The following SLC1A2 variants were observed in gnomAD, a reference collection of about 807,000 sequenced individuals.
The protein encoded by SLC1A2 is solute carrier family 1 member 2.
In SLC1A2, 15 loss-of-function variants were observed where a neutral mutation model predicts 48.8. The observed-to-expected ratio is 0.31, with a 90% confidence interval of 0.21 to 0.47. SLC1A2 has a LOEUF of 0.47. Ranked by LOEUF, SLC1A2 falls within the 20% of genes least tolerant of loss-of-function variation. The probability of loss-of-function intolerance (pLI) is 0.99; values close to 1 mark genes in which losing one functional copy is unlikely to be tolerated. For synonymous variants in SLC1A2, 279 were observed against 272.6 expected, an observed-to-expected ratio of 1.02 and a Z score of -0.23; for missense variants, 502 against 730.5, an observed-to-expected ratio of 0.69 and a Z score of 3.61.
At chr11:35,382,306 T>C (rs1403055502) in intron 1 of SLC1A2, among the ~76,000 whole-genome samples, 2 of 152,370 alleles carry the variant, frequency 1.3e-5, no homozygotes, top group Non-Finnish European at 2.9e-5. Context: ...GAGATTCTGT[T>C]AAACCTATTT....
chr11:35,319,113 A>C (rs12273644), intron 1 of SLC1A2, among the ~76,000 whole-genome samples: 52,616 of 152,072 alleles, frequency 0.35, 9,560 homozygotes, highest in South Asian at 0.55. Flanking sequence ...GTGCAATAAC[A>C]ATCCCTCAGA....
chr11:35,401,455 T>C (rs1388160917), intron 1 of SLC1A2, among the ~76,000 whole-genome samples: 1 of 152,202 alleles, frequency 6.6e-6, no homozygotes, highest in Non-Finnish European at 1.5e-5. Flanking sequence ...TCTCTTTTAA[T>C]GTTAATGCTA....
chr11:35,352,144 A>G (rs1853282091), intron 1 of SLC1A2: 1 of 149,556 alleles, frequency 6.7e-6, no homozygotes, highest in African/African-American at 2.5e-5. Flanking sequence ...ACCAAAAAGG[A>G]AAAAAGTCCA....
intron 1 of SLC1A2, among the ~76,000 whole-genome samples, chr11:35,401,249 A>C (rs11033111): frequency 0.078 from 11,838 of 152,180 alleles, 1,075 homozygotes; most frequent in African/African-American, 0.22. Flanking sequence ...CTCCTGGATC[A>C]GAAAAAAAGA....
rs532499618 is a variant in SLC1A2 at position 35,363,980 on chromosome 11, C to T, written c.18-46464G>A. Among the ~76,000 whole-genome samples the T allele has an allele frequency of 1.4e-4, 22 of 152,246 alleles. No homozygotes were observed. The South Asian group carries it at 1.7e-3, about 11-fold the overall frequency. On this transcript the variant is annotated intron_variant, in intron 1 of 10. Coordinates refer to ENST00000278379, the MANE Select transcript of SLC1A2 (RefSeq NM_004171.4). ...AGAGCTTAGCAGGTGGCAGGGGCACCGGCAGAAAGAGGATGACCCTCAGAC... is the reference window on the plus strand; with the variant it reads ...AGAGCTTAGCAGGTGGCAGGGGCACTGGCAGAAAGAGGATGACCCTCAGAC...
chr11:35,404,872 G>A (rs1180211767), intron 1 of SLC1A2, among the ~76,000 whole-genome samples: 3 of 152,188 alleles, frequency 2.0e-5, no homozygotes, highest in East Asian at 1.9e-4. Flanking sequence ...CAGAGCAGAC[G>A]AGAAAACCCA....
chr11:35,299,378 T>C (rs7108061), intron 6 of SLC1A2: 1 of 121,070 alleles, frequency 8.3e-6, no homozygotes, highest in Non-Finnish European at 1.9e-5. Flanking sequence ...TGTGTATATA[T>C]ATATACATAT....
intron 6 of SLC1A2, among the ~76,000 whole-genome samples, chr11:35,292,989 C>CAGAGAGAG (rs144246892): frequency 2.7e-5 from 4 of 150,074 alleles, no homozygotes; most frequent in African/African-American, 9.8e-5. Context: ...GAGAGAGAGA[C>CAGAGAGAG]AGAGAGAGAG....
chr11:35,354,669 C>T (rs908658923), intron 1 of SLC1A2, among the ~76,000 whole-genome samples: 4 of 152,106 alleles, frequency 2.6e-5, no homozygotes, highest in African/African-American at 4.8e-5. Context: ...CCAATAGGGC[C>T]GAGGTCGAGA....
At chr11:35,275,472 C>T (rs573211371) in intron 9 of SLC1A2, among the ~76,000 whole-genome samples, 10 of 152,228 alleles carry the variant, frequency 6.6e-5, no homozygotes, top group Non-Finnish European at 1.3e-4. Flanking sequence ...CTGCCAAGGG[C>T]TCCTGACGCA....
intron 7 of SLC1A2, among the ~76,000 whole-genome samples, chr11:35,290,338 T>C (rs944351595): frequency 2.0e-5 from 3 of 152,178 alleles, no homozygotes; most frequent in African/African-American, 4.8e-5. Context: ...GGGGTTTGCA[T>C]TGTAGTACAT....
chr11:35,267,211 G>A (rs1163846553), intron 9 of SLC1A2, among the ~76,000 whole-genome samples: 1 of 152,184 alleles, frequency 6.6e-6, no homozygotes, highest in Non-Finnish European at 1.5e-5. Flanking sequence ...AGGAATACAT[G>A]ATAGTAGTTA....
At chr11:35,287,457 C>T (rs890042117) in intron 7 of SLC1A2, among the ~76,000 whole-genome samples, 1 of 152,176 alleles carries the variant, frequency 6.6e-6, no homozygotes, top group African/African-American at 2.4e-5. Context: ...GCTGGACTTG[C>T]TAATTTCCAT....
intron 1 of SLC1A2, among the ~76,000 whole-genome samples, chr11:35,334,026 G>T (rs992845545): frequency 6.6e-6 from 1 of 151,924 alleles, no homozygotes; most frequent in African/African-American, 2.4e-5. Context: ...TATTATTATT[G>T]AAAGTTACTA....
At chr11:35,384,093 A>AG (rs1254123561) in intron 1 of SLC1A2, among the ~76,000 whole-genome samples, 1 of 152,250 alleles carries the variant, frequency 6.6e-6, no homozygotes, top group African/African-American at 2.4e-5. Flanking sequence ...TGCTTGAAAG[A>AG]GAAATACGTT....
chr11:35,382,273 C>T (rs1265186067), intron 1 of SLC1A2, among the ~76,000 whole-genome samples: 1 of 152,208 alleles, frequency 6.6e-6, no homozygotes, highest in African/African-American at 2.4e-5. Context: ...CCTTGTCAAC[C>T]TGTCGATATT....
intron 7 of SLC1A2, chr11:35,291,347 T>G (rs1850999769): frequency 6.6e-6 from 1 of 152,042 alleles, no homozygotes; most frequent in African/African-American, 2.4e-5. Context: ...CTGCAACCTC[T>G]GCCTCCTAGG....
chr11:35,297,388 G>A (rs1433571606), intron 6 of SLC1A2, among the ~76,000 whole-genome samples: 1 of 152,074 alleles, frequency 6.6e-6, no homozygotes, highest in Non-Finnish European at 1.5e-5. Context: ...GTACTTGCAA[G>A]TGAGCCCAAT....
At chr11:35,290,883 G>A (rs923820103) in intron 7 of SLC1A2, among the ~76,000 whole-genome samples, 3 of 152,130 alleles carry the variant, frequency 2.0e-5, no homozygotes, top group Non-Finnish European at 4.4e-5. Context: ...AGCTTTGTCT[G>A]AAACTCCATT....
Sources: allele counts gnomAD v4.1 joint callset (sites outside exome capture counted in the v4.1 genomes callset), GRCh38; gene constraint gnomAD v4.1.1; transcripts MANE v1.5; gene names NCBI Gene and HGNC (gene_info 2026-07-23, HGNC 2026-07-21).